Variants in EIF4H observed in about 807,000 individuals in gnomAD.
EIF4H encodes the protein Williams-Beuren syndrome chromosome region 1.
Under a neutral mutation model 30.6 loss-of-function variants are expected in EIF4H, and 8 were observed. That is an observed-to-expected ratio of 0.26 (90% CI 0.15 to 0.47). EIF4H has a LOEUF of 0.47. EIF4H is among the 20% of genes least tolerant of loss of function. The probability of loss-of-function intolerance (pLI) is 0.99; values close to 1 mark genes in which losing one functional copy is unlikely to be tolerated. For missense variants in EIF4H, 188 were observed against 339.5 expected (o/e 0.55, Z 3.51); for synonymous variants, 106 against 122.7 (o/e 0.86, Z 0.90).
chr7:74,189,953 A>T, intron 4 of EIF4H, 35 bp downstream of exon 4: 1 of 1,608,194 alleles, frequency 6.2e-7, no homozygotes. Flanking sequence ...CATCATAAAG[A>T]TTTGCAGTAT....
chr7:74,182,630 C>G (rs1301722866), intron 1 of EIF4H, among the ~76,000 whole-genome samples: 1 of 152,220 alleles, frequency 6.6e-6, no homozygotes, highest in African/African-American at 2.4e-5. Context: ...GTTGCCCAGG[C>G]TGGAGTGCAG....
intron 1 of EIF4H, among the ~76,000 whole-genome samples, chr7:74,185,244 C>T (rs1035098442): frequency 1.3e-5 from 2 of 152,132 alleles, no homozygotes; most frequent in Non-Finnish European, 1.5e-5. Context: ...CCTCCCGCCT[C>T]AGCCTCCCAA....
intron 1 of EIF4H, among the ~76,000 whole-genome samples, chr7:74,174,674 C>T (rs1300558289): frequency 8.9e-6 from 1 of 111,958 alleles, no homozygotes; most frequent in Non-Finnish European, 2.1e-5. Flanking sequence ...CACTGCCTCC[C>T]GCCAACGACA....
chr7:74,192,727 G>C (rs1554710141), intron 5 of EIF4H, among the ~76,000 whole-genome samples: 1 of 142,678 alleles, frequency 7.0e-6, no homozygotes, highest in African/African-American at 2.6e-5. Flanking sequence ...GCCCAGGCTG[G>C]AGTGCAGTGG....
chr7:74,186,847 G>C (rs1402308868), intron 1 of EIF4H, among the ~76,000 whole-genome samples: 1 of 106,044 alleles, frequency 9.4e-6, no homozygotes, highest in African/African-American at 3.5e-5. Flanking sequence ...TTTTGAGACG[G>C]AGTCTCTGTC....
intron 1 of EIF4H, among the ~76,000 whole-genome samples, chr7:74,178,321 AG>A (rs1800885181): frequency 6.6e-6 from 1 of 152,242 alleles, no homozygotes; most frequent in Admixed American, 6.5e-5. Flanking sequence ...AGGCCGAAGC[AG>A]GCGGATCACT....
intron 1 of EIF4H, among the ~76,000 whole-genome samples, chr7:74,176,417 T>C (rs1383084495): frequency 6.6e-6 from 1 of 152,154 alleles, no homozygotes; most frequent in Non-Finnish European, 1.5e-5. Flanking sequence ...TTATTTTAAT[T>C]ATGTCCACAT....
At chr7:74,182,899 C>G (rs1362220455) in intron 1 of EIF4H, among the ~76,000 whole-genome samples, 2 of 152,218 alleles carry the variant, frequency 1.3e-5, no homozygotes, top group Non-Finnish European at 2.9e-5. Flanking sequence ...ACTTCTGTTG[C>G]TCTCTGCTGT....
At chr7:74,175,214 C>T (rs1352081224) in intron 1 of EIF4H, among the ~76,000 whole-genome samples, 1 of 152,320 alleles carries the variant, frequency 6.6e-6, no homozygotes, top group African/African-American at 2.4e-5. Flanking sequence ...AAACACTTTG[C>T]TTAAAAGAAA....
At chr7:74,178,392 A>G (rs1264792625) in intron 1 of EIF4H, among the ~76,000 whole-genome samples, 4 of 152,098 alleles carry the variant, frequency 2.6e-5, no homozygotes, top group Non-Finnish European at 5.9e-5. Flanking sequence ...TCTACTAAAA[A>G]TACAAAACGG....
intron 1 of EIF4H, among the ~76,000 whole-genome samples, chr7:74,178,754 A>G (rs552138669): frequency 4.4e-4 from 67 of 152,306 alleles, no homozygotes; most frequent in Non-Finnish European, 7.2e-4. Flanking sequence ...ACACCCGGGC[A>G]TGAAATGAGT....
chr7:74,194,033 A>G (rs1554710361), intron 5 of EIF4H, among the ~76,000 whole-genome samples: 2 of 152,266 alleles, frequency 1.3e-5, no homozygotes, highest in East Asian at 1.9e-4. Context: ...CAGCATTTCT[A>G]AATGAGATGC....
In EIF4H at chr7:74,187,317, C is replaced by T. The variant is rs530318082; in HGVS notation, c.60-294C>T. On this transcript the variant is annotated intron_variant, in intron 1 of 6. Transcript: ENST00000265753. ...TGGTGGCACATGCCTGTAATCTCAG[C>T]ATCCTTAGGAGGCTGAGACAGGAGA... 4.6e-5 allele frequency among the ~76,000 whole-genome samples: 7 copies of T among 152,264 alleles called. No homozygotes were observed. In the South Asian group the frequency reaches 1.5e-3, roughly 32 times the overall value.
At chr7:74,177,422 T>G (rs1187303041) in intron 1 of EIF4H, among the ~76,000 whole-genome samples, 1 of 152,208 alleles carries the variant, frequency 6.6e-6, no homozygotes, top group Non-Finnish European at 1.5e-5. Context: ...TCGTAATGTA[T>G]AACCATCACC....
At chr7:74,190,351 T>C in intron 5 of EIF4H, 45 bp downstream of exon 5, 1 of 1,583,306 alleles carries the variant, frequency 6.3e-7, no homozygotes, top group Non-Finnish European at 8.7e-7. Context: ...CCTAGGAGCC[T>C]TGCTGCTGTT....
chr7:74,186,197 T>C, intron 1 of EIF4H, among the ~76,000 whole-genome samples: 2 of 152,026 alleles, frequency 1.3e-5, no homozygotes, highest in Middle Eastern at 3.4e-3. Flanking sequence ...TCGTTTAATA[T>C]AATAATCTAT....
chr7:74,191,201 C>A (rs782038928), intron 5 of EIF4H: 8 of 533,894 alleles, frequency 1.5e-5, no homozygotes, highest in Admixed American at 9.7e-5. Context: ...AGTCCTGTAG[C>A]CAGTCAGAAA....
chr7:74,174,910 C>G (rs1401839700), intron 1 of EIF4H, among the ~76,000 whole-genome samples: 2 of 152,256 alleles, frequency 1.3e-5, no homozygotes, highest in African/African-American at 4.8e-5. Context: ...GGCCGGCCGA[C>G]TGGGGAAGGT....
chr7:74,188,742 G>A (rs1316753937), intron 2 of EIF4H, among the ~76,000 whole-genome samples: 3 of 152,188 alleles, frequency 2.0e-5, no homozygotes, highest in African/African-American at 7.2e-5. Flanking sequence ...TTGGAGTTTG[G>A]CTCATGAAGG....
Sources: gnomAD v4.1 joint callset for allele counts (sites outside exome capture counted in the v4.1 genomes callset) on GRCh38, gnomAD v4.1.1 for gene constraint, MANE v1.5 for transcripts, NCBI Gene and HGNC (gene_info 2026-07-23, HGNC 2026-07-21) for gene names.